The following SGSM3 variants were observed in gnomAD, a reference collection of about 807,000 sequenced individuals.
SGSM3 encodes the protein small G protein signaling modulator 3.
SGSM3 carries 96 observed loss-of-function variants against 100.5 expected under a neutral mutation model. The observed-to-expected ratio is 0.96, with a 90% CI of 0.81 to 1.13. The LOEUF is 1.13. Ranked by LOEUF, SGSM3 falls within the 50% of genes most tolerant of loss-of-function variation. The pLI is 0.00. For missense variants in SGSM3, 1,001 were observed against 1,015.8 expected, an observed-to-expected ratio of 0.99 and a Z score of 0.20; for synonymous variants, 483 against 422.8, an observed-to-expected ratio of 1.14 and a Z score of -1.75.
At chr22:40,387,207 C>T (rs1345128754) in intron 1 of SGSM3, 1 of 398,346 alleles carries the variant, frequency 2.5e-6, no homozygotes, top group Non-Finnish European at 4.4e-6. Context: ...ATTATTTTTC[C>T]TTCTTTCATA....
At chr22:40,393,319 C>T (rs1033566982) in intron 1 of SGSM3, among the ~76,000 whole-genome samples, 14 of 152,148 alleles carry the variant, frequency 9.2e-5, no homozygotes, top group Admixed American at 3.3e-4. Context: ...GGTTTCACCA[C>T]GTTGGCCAGG....
chr22:40,402,600 G>A (rs998368168), intron 4 of SGSM3, among the ~76,000 whole-genome samples: 3 of 152,318 alleles, frequency 2.0e-5, no homozygotes, highest in Middle Eastern at 3.4e-3. Context: ...TTTGCCAGGT[G>A]TGATGGTGTG....
At chr22:40,400,665 A>G (rs2050632172) in intron 1 of SGSM3, 31 bp from the exon 2 acceptor site, 1 of 850,998 alleles carries the variant, frequency 1.2e-6, no homozygotes, top group African/African-American at 1.8e-5. Flanking sequence ...AAATAAAAAT[A>G]GAATGACTTT....
chr22:40,408,058 G>C lies in SGSM3; in HGVS notation c.1580-13G>C, dbSNP rs768356675. 2 of 1,588,234 alleles carry C rather than the reference G, an allele frequency of 1.3e-6. No individual in the cohort carries two copies. The highest frequency in any genetic ancestry group is 1.4e-5 in the African/African-American group (1 of 73,768). On this transcript the variant is annotated splice_polypyrimidine_tract_variant and intron_variant, in intron 14 of 21. Transcript: ENST00000248929. ...CTCGTGGTTGCTCCTTACAGGGCCTGTTTTTCCCACAGGCTGGTTTCCAGC... is the reference window on the plus strand; with the variant it reads ...CTCGTGGTTGCTCCTTACAGGGCCTCTTTTTCCCACAGGCTGGTTTCCAGC...
chr22:40,391,904 CA>C (rs2049397617), intron 1 of SGSM3, among the ~76,000 whole-genome samples: 1 of 152,174 alleles, frequency 6.6e-6, no homozygotes, highest in African/African-American at 2.4e-5. Context: ...GCCTGGGAAC[CA>C]AATGCCTGGG....
Position 40,410,134 on chromosome 22 carries a change from A to G in SGSM3, c.*375A>G, listed in dbSNP as rs373824293. 3 of 1,128,052 alleles carry G rather than the reference A, an allele frequency of 2.7e-6. No individual in the cohort carries two copies. The highest frequency in any genetic ancestry group is 2.2e-6 in the Non-Finnish European group (2 of 920,296). 69.9% of individuals were successfully genotyped at this position (1,128,052 alleles called of 1,614,324 possible). A position where few individuals can be genotyped will look rare whatever the true frequency, so the allele number is the denominator to read the frequency against. On this transcript the variant is annotated 3_prime_UTR_variant, in exon 22 of 22. Coordinates refer to ENST00000248929, the MANE Select transcript of SGSM3 (RefSeq NM_015705.6). ...GCACCTACCTGTCTTCTGTGCAGCT[A>G]GGGCTGCAGAGCTGTATTCAGGTCC...
At chr22:40,403,759 G>T (rs553930404) in intron 4 of SGSM3, among the ~76,000 whole-genome samples, 1 of 152,280 alleles carries the variant, frequency 6.6e-6, no homozygotes, top group Admixed American at 6.5e-5. Flanking sequence ...GGTCACTGTG[G>T]CTGCTGAGGG....
rs1397060927 is a variant in SGSM3 at position 40,407,728 on chromosome 22, T to C, written c.1525-61T>C. 1.3e-6 allele frequency: 2 copies of C among 1,595,700 alleles called. No individual in the cohort carries two copies. Among genetic ancestry groups the C allele is most frequent in the Non-Finnish European group, 1.7e-6 (2 of 1,163,672 alleles). ...AGTTGCTGAGGAGTCATATCGGGGG[T>C]GCAGGAGGCGCTGGCCCAGGGCACC... is the stretch of plus-strand genomic sequence containing the variant. On this transcript the variant is annotated intron_variant, in intron 13 of 21. Coordinates refer to ENST00000248929, the MANE Select transcript of SGSM3 (RefSeq NM_015705.6). The surrounding 1 kb of genome is among the most constrained non-coding windows in gnomAD (Gnocchi z 4.7).
In SGSM3 at chr22:40,384,331, T is replaced by G. The variant is rs560749278; in HGVS notation, c.-112+13643T>G. Among the ~76,000 whole-genome samples the G allele has an allele frequency of 4.6e-5, 7 of 152,042 alleles. No individual in the cohort carries two copies. The South Asian group carries it at 8.3e-4, about 18-fold the overall frequency. ...TGTCTTGGGAGAAGAAACAGGAATA[T>G]TAAAAAGAATCATCTGAGATAGAAT... On this transcript the variant is annotated intron_variant, in intron 1 of 21. Coordinates refer to ENST00000248929, the MANE Select transcript of SGSM3 (RefSeq NM_015705.6).
chr22:40,407,874 A>C lies in SGSM3; in HGVS notation c.1579+31A>C, dbSNP rs776495862. 3.8e-6 allele frequency: 6 copies of C among 1,561,180 alleles called. No individual in the cohort carries two copies. The Admixed American group carries it at 1.0e-4, about 27-fold the overall frequency. ...GTCCTTGGTCTGCTCTTGAGCTGGGAGAGGGAGGAGGGGGTGGGCACAGAA... is the reference window on the plus strand; with the variant it reads ...GTCCTTGGTCTGCTCTTGAGCTGGGCGAGGGAGGAGGGGGTGGGCACAGAA... On this transcript the variant is annotated intron_variant, in intron 14 of 21. Transcript: ENST00000248929. The surrounding 1 kb of genome is among the most constrained non-coding windows in gnomAD (Gnocchi z 4.7).
In SGSM3 at chr22:40,401,053, G is replaced by A. The variant is rs944050906; in HGVS notation, c.7+240G>A. Reference sequence around the variant, plus strand: ...AGTCCTCAGGTGGAGAAAGAGGCCGGAAGATGAAGTTTGGTCATGTTTTGT... The same window carrying A: ...AGTCCTCAGGTGGAGAAAGAGGCCGAAAGATGAAGTTTGGTCATGTTTTGT... On this transcript the variant is annotated intron_variant, in intron 2 of 21. Coordinates refer to ENST00000248929, the MANE Select transcript of SGSM3 (RefSeq NM_015705.6). 3.9e-5 allele frequency among the ~76,000 whole-genome samples: 6 copies of A among 152,276 alleles called. No individual in the cohort carries two copies. In the South Asian group the frequency reaches 1.0e-3, roughly 26 times the overall value.
chr22:40,406,918 C>A, intron 10 of SGSM3, 99 bp from the exon 11 acceptor site: 1 of 1,204,202 alleles, frequency 8.3e-7, no homozygotes, highest in South Asian at 1.3e-5. Context: ...TTGGAGCCAG[C>A]GTCAGAGGCT....
rs140197200 is a variant in SGSM3, at chr22:40,408,815, C to T, written c.1875C>T (p.Val625=). 1 of 1,613,770 alleles carries T rather than the reference C, an allele frequency of 6.2e-7. No individual in the cohort carries two copies. The highest frequency in any genetic ancestry group is 1.1e-5 in the South Asian group (1 of 91,070). Residue 625 remains valine (V), a synonymous_variant, in exon 18 of 22, where the codon GTC becomes GTT. Coordinates refer to ENST00000248929, the MANE Select transcript of SGSM3 (RefSeq NM_015705.6). The stretch of plus-strand genomic sequence containing the variant: ...TCAGGTTGGATGAAGATGGCAAAGT[C>T]CTGACCCCGGAGGAGCTGCTCTACC... ...KTFRLDEDGK[V]LTPEELLYRA...
intron 1 of SGSM3, chr22:40,376,460 T>TAGTA (rs1457251946): frequency 6.6e-6 from 1 of 152,126 alleles, no homozygotes; most frequent in African/African-American, 2.4e-5. Flanking sequence ...GGCCTGGCTT[T>TAGTA]ACCATTGTAA....
chr22:40,406,032 G>A, intron 8 of SGSM3, 46 bp from the exon 9 acceptor site: 1 of 1,598,536 alleles, frequency 6.3e-7, no homozygotes, highest in Non-Finnish European at 8.5e-7. Context: ...GGGGAGGGAG[G>A]TTTCCACCAC....
At chr22:40,396,827 C>A (rs1229956921) in intron 1 of SGSM3, among the ~76,000 whole-genome samples, 1 of 152,106 alleles carries the variant, frequency 6.6e-6, no homozygotes, top group Non-Finnish European at 1.5e-5. Context: ...TGCCCCTCCC[C>A]ATAGATGGGG....
chr22:40,389,526 G>C (rs2049035004), intron 1 of SGSM3, among the ~76,000 whole-genome samples: 1 of 150,052 alleles, frequency 6.7e-6, no homozygotes, highest in Non-Finnish European at 1.5e-5. Context: ...GTGAACCTGG[G>C]AGGCGGGGCT....
chr22:40,375,695 T>C (rs1026647033), intron 1 of SGSM3, among the ~76,000 whole-genome samples: 1 of 151,608 alleles, frequency 6.6e-6, no homozygotes, highest in Non-Finnish European at 1.5e-5. Flanking sequence ...AACAAAATTA[T>C]GTGACTTTTC....
rs146569608 is a variant in SGSM3, at chr22:40,406,638, C to T, written c.1161C>T (p.Ala387=). Reference sequence around the variant, plus strand: ...CAGACCAGGGCCAGCTCCTGGGGGCCGGCACCCTCACCAACCTCTCTCAGG... The same window carrying T: ...CAGACCAGGGCCAGCTCCTGGGGGCTGGCACCCTCACCAACCTCTCTCAGG... ...LIADQGQLLG[A]GTLTNLSQVV... The change falls in exon 10 of 22, where the codon GCC becomes GCT. Residue 387 remains alanine (A), a synonymous_variant. Transcript: ENST00000248929. 864 of 1,607,100 alleles carry T rather than the reference C, an allele frequency of 5.4e-4. 1 individual carries two copies. The highest frequency in any genetic ancestry group is 6.9e-4 in the Non-Finnish European group (815 of 1,175,424).
Sources: gnomAD v4.1 joint callset for allele counts (sites outside exome capture counted in the v4.1 genomes callset) on GRCh38, gnomAD v4.1.1 for gene constraint, Gnocchi (gnomAD v3.1) non-coding constraint, MANE v1.5 for transcripts, NCBI Gene and HGNC (gene_info 2026-07-23, HGNC 2026-07-21) for gene names.